The following CNTN5 variants were observed in gnomAD, a reference collection of about 807,000 sequenced individuals.
The protein encoded by CNTN5 is contactin-5.
CNTN5 carries 77 observed loss-of-function variants against 129.1 expected under a neutral mutation model. That is an observed-to-expected ratio of 0.60 (90% CI 0.50 to 0.72). CNTN5 has a LOEUF of 0.72. CNTN5 is among the 30% of genes least tolerant of loss of function. The probability of loss-of-function intolerance (pLI) is 0.00; values close to 1 mark genes in which losing one functional copy is unlikely to be tolerated. For synonymous variants in CNTN5, 509 were observed against 465.6 expected (o/e 1.09, Z -1.20); for missense variants, 1,478 against 1,328.8 (o/e 1.11, Z -1.75).
intron 1 of CNTN5, among the ~76,000 whole-genome samples, chr11:99,235,727 A>T (rs755989945): frequency 2.0e-5 from 3 of 152,144 alleles, no homozygotes; most frequent in Non-Finnish European, 2.9e-5. Context: ...TTGGAATTAT[A>T]TTCACTTAGT....
chr11:100,207,209 T>C lies in CNTN5; in HGVS notation c.1884+13546T>C, dbSNP rs142172715. On this transcript the variant is annotated intron_variant, in intron 15 of 24. Coordinates refer to ENST00000524871, the MANE Select transcript of CNTN5 (RefSeq NM_014361.4). ...TCAGATATTATACTGATGAGAGAAA[T>C]AAACTCGAGGAGAAATTTGACTTAA... 5.1e-3 allele frequency among the ~76,000 whole-genome samples: 782 copies of C among 152,210 alleles called. 3 individuals are homozygous for C. Among genetic ancestry groups the C allele is most frequent in the Middle Eastern group, 0.014 (4 of 294 alleles).
chr11:100,104,561 T>G (rs1833490), intron 13 of CNTN5, among the ~76,000 whole-genome samples: 41,439 of 152,030 alleles, frequency 0.27, 6,240 homozygotes, highest in East Asian at 0.58. Context: ...CTGACCTAAT[T>G]GAAAAACATA....
At chr11:99,186,079 G>A (rs1046173339) in intron 1 of CNTN5, among the ~76,000 whole-genome samples, 1 of 151,800 alleles carries the variant, frequency 6.6e-6, no homozygotes, top group Non-Finnish European at 1.5e-5. Flanking sequence ...TAAAGCAACA[G>A]ATGGGAGAAA....
chr11:99,643,512 A>T (rs1358372999), intron 3 of CNTN5, among the ~76,000 whole-genome samples: 1 of 152,170 alleles, frequency 6.6e-6, no homozygotes, highest in Non-Finnish European at 1.5e-5. Context: ...TACTTATCTC[A>T]TAGGTTTGTT....
At chr11:99,510,012 G>T (rs1413317368) in intron 2 of CNTN5, among the ~76,000 whole-genome samples, 1 of 151,356 alleles carries the variant, frequency 6.6e-6, no homozygotes, top group Non-Finnish European at 1.5e-5. Flanking sequence ...TAAAAAAAAT[G>T]TAAATGAAAA....
At chr11:100,278,095 T>A in intron 18 of CNTN5, among the ~76,000 whole-genome samples, 1 of 152,108 alleles carries the variant, frequency 6.6e-6, no homozygotes, top group Middle Eastern at 3.4e-3. Context: ...GTTCTGAGAA[T>A]TTTTATTGGA....
At chr11:99,650,814 GGTGAT>G (rs1204476788) in intron 3 of CNTN5, among the ~76,000 whole-genome samples, 3 of 151,836 alleles carry the variant, frequency 2.0e-5, no homozygotes, top group Non-Finnish European at 4.4e-5. Context: ...TGGGGTACAT[GGTGAT>G]GCTTTGATAC....
chr11:99,667,153 C>G (rs897058352), intron 3 of CNTN5, among the ~76,000 whole-genome samples: 3 of 151,824 alleles, frequency 2.0e-5, no homozygotes, highest in Non-Finnish European at 4.4e-5. Flanking sequence ...ATCCTTGAAT[C>G]ATAGTTGTTT....
At chr11:99,662,854 C>G (rs547727117) in intron 3 of CNTN5, among the ~76,000 whole-genome samples, 1 of 152,176 alleles carries the variant, frequency 6.6e-6, no homozygotes, top group Non-Finnish European at 1.5e-5. Context: ...TTTTAAAAAG[C>G]TCCTCAGATG....
intron 4 of CNTN5, among the ~76,000 whole-genome samples, chr11:99,832,105 G>A (rs551026284): frequency 2.3e-4 from 35 of 152,150 alleles, no homozygotes; most frequent in Admixed American, 1.2e-3. Context: ...AGTTGTCTCC[G>A]CTGCTTTATG....
At chr11:99,613,320 G>A (rs568172646) in intron 3 of CNTN5, among the ~76,000 whole-genome samples, 97 of 152,238 alleles carry the variant, frequency 6.4e-4, no homozygotes, top group South Asian at 3.7e-3. Context: ...GGCTCTTCCC[G>A]GCTTCGCTGG....
At chr11:100,120,861 T>G (rs953875642) in intron 13 of CNTN5, among the ~76,000 whole-genome samples, 8 of 151,990 alleles carry the variant, frequency 5.3e-5, no homozygotes, top group African/African-American at 1.9e-4. Context: ...TTAAACTTAT[T>G]TTATTGTAAT....
chr11:100,343,217 AT>A (rs1468036878), intron 23 of CNTN5, among the ~76,000 whole-genome samples: 1 of 152,212 alleles, frequency 6.6e-6, no homozygotes, highest in Non-Finnish European at 1.5e-5. Context: ...AGCATAGTCC[AT>A]TTTAGTTGTG....
intron 7 of CNTN5, among the ~76,000 whole-genome samples, chr11:99,926,945 A>C (rs1950076160): frequency 6.6e-6 from 1 of 152,204 alleles, no homozygotes; most frequent in Admixed American, 6.5e-5. Flanking sequence ...ACATTTTATA[A>C]ATAACTTATG....
chr11:99,243,736 A>ATTTTT (rs35250111), intron 1 of CNTN5, among the ~76,000 whole-genome samples: 1 of 117,692 alleles, frequency 8.5e-6, no homozygotes, highest in Non-Finnish European at 1.8e-5. Flanking sequence ...CCTATTGCTT[A>ATTTTT]TTTTTTTTTT....
intron 16 of CNTN5, among the ~76,000 whole-genome samples, chr11:100,249,105 C>A (rs1161406023): frequency 1.3e-5 from 2 of 152,050 alleles, no homozygotes; most frequent in Admixed American, 1.3e-4. Flanking sequence ...TTTAAAAATT[C>A]TATGACTCTG....
chr11:100,005,213 C>T (rs114618702), intron 9 of CNTN5, among the ~76,000 whole-genome samples: 234 of 152,250 alleles, frequency 1.5e-3, no homozygotes, highest in African/African-American at 5.5e-3. Context: ...CCAATCAACT[C>T]TTTATTATTA....
At chr11:99,855,199 C>T (rs567166024) in intron 6 of CNTN5, among the ~76,000 whole-genome samples, 2 of 152,008 alleles carry the variant, frequency 1.3e-5, no homozygotes, top group Admixed American at 1.3e-4. Flanking sequence ...GTCCCAGTTA[C>T]TTGGGAGGCT....
chr11:100,062,322 T>C (rs536048994), intron 10 of CNTN5, among the ~76,000 whole-genome samples: 1 of 152,328 alleles, frequency 6.6e-6, no homozygotes, highest in East Asian at 1.9e-4. Flanking sequence ...TTAATGCCCT[T>C]TACAGGAACT....
Sources: gnomAD v4.1 joint callset for allele counts (sites outside exome capture counted in the v4.1 genomes callset) on GRCh38, gnomAD v4.1.1 for gene constraint, MANE v1.5 for transcripts, NCBI Gene and HGNC (gene_info 2026-07-23, HGNC 2026-07-21) for gene names.